Variants in PTPRN2 observed in about 807,000 individuals in gnomAD.
The protein encoded by PTPRN2 is protein tyrosine phosphatase receptor type N2, also known as receptor-type tyrosine-protein phosphatase N2.
Under a neutral mutation model 118.8 loss-of-function variants are expected in PTPRN2, and 74 were observed. That is an observed-to-expected ratio of 0.62 (90% CI 0.52 to 0.76). The LOEUF (loss-of-function observed/expected upper bound fraction) is 0.76. Among genes scored for constraint, PTPRN2 ranks in the 30% least tolerant of loss-of-function variants. The pLI, the probability that PTPRN2 is intolerant of heterozygous loss-of-function variation, is 0.00. For synonymous variants in PTPRN2, 641 were observed against 608.0 expected (o/e 1.05, Z -0.80); for missense variants, 1,481 against 1,394.4 (o/e 1.06, Z -0.99).
intron 2 of PTPRN2, among the ~76,000 whole-genome samples, chr7:158,337,696 C>G (rs201979102): frequency 6.4e-3 from 781 of 122,756 alleles, no homozygotes; most frequent in South Asian, 0.01. Context: ...CACACCCACA[C>G]TCTCACCATA....
intron 12 of PTPRN2, among the ~76,000 whole-genome samples, chr7:157,707,742 G>A (rs1798406339): frequency 1.3e-5 from 2 of 152,078 alleles, no homozygotes; most frequent in African/African-American, 4.8e-5. Context: ...TGGGATTACA[G>A]GCACGCACCA....
intron 12 of PTPRN2, among the ~76,000 whole-genome samples, chr7:157,759,966 C>T (rs533188960): frequency 5.9e-5 from 9 of 152,220 alleles, no homozygotes; most frequent in South Asian, 2.1e-4. Context: ...AGGAAGAGAC[C>T]GGGCGGGCAA....
chr7:157,574,029 T>G (rs1310950039), intron 19 of PTPRN2, among the ~76,000 whole-genome samples: 1 of 152,186 alleles, frequency 6.6e-6, no homozygotes, highest in Non-Finnish European at 1.5e-5. Context: ...CACGACATAT[T>G]GAACACAAGA....
intron 1 of PTPRN2, among the ~76,000 whole-genome samples, chr7:158,522,212 G>C (rs370170430): frequency 1.2e-4 from 9 of 76,130 alleles, no homozygotes; most frequent in South Asian, 6.3e-4. Flanking sequence ...CACAATGGTG[G>C]ACTGTCCAGG....
Position 158,170,737 on chromosome 7 carries a change from T to C in PTPRN2, c.550-3446A>G, listed in dbSNP as rs116286887. ...GAACATGGGCAGTAAAGAAAAGTATTCTCACGCTGACTGGCTCTTTCACGG... is the reference window on the plus strand; with the variant it reads ...GAACATGGGCAGTAAAGAAAAGTATCCTCACGCTGACTGGCTCTTTCACGG... On this transcript the variant is annotated intron_variant, in intron 5 of 22. Transcript: ENST00000389418. 7.6e-3 allele frequency among the ~76,000 whole-genome samples: 1,157 copies of C among 152,234 alleles called. 10 individuals are homozygous for C. The highest frequency in any genetic ancestry group is 0.026 in the African/African-American group (1,088 of 41,532).
At chr7:157,805,059 C>A (rs541970009) in intron 12 of PTPRN2, among the ~76,000 whole-genome samples, 1 of 152,270 alleles carries the variant, frequency 6.6e-6, no homozygotes, top group African/African-American at 2.4e-5. Context: ...CTCTCTCTGC[C>A]TGGAAATACC....
At chr7:157,549,290 C>T (rs189144699) in intron 21 of PTPRN2, among the ~76,000 whole-genome samples, 1 of 151,186 alleles carries the variant, frequency 6.6e-6, no homozygotes, top group African/African-American at 2.4e-5. Flanking sequence ...CGTCAGAAAC[C>T]AAAGCTGTAC....
chr7:157,931,868 G>T (rs1234684236), intron 11 of PTPRN2, among the ~76,000 whole-genome samples: 1 of 152,138 alleles, frequency 6.6e-6, no homozygotes, highest in African/African-American at 2.4e-5. Context: ...TTCTACCACC[G>T]CCAGGAGAAA....
intron 2 of PTPRN2, among the ~76,000 whole-genome samples, chr7:158,481,066 T>C (rs1357564955): frequency 6.6e-6 from 1 of 152,234 alleles, no homozygotes; most frequent in East Asian, 1.9e-4. Flanking sequence ...CTTCCATAGC[T>C]AGAGAGAAGA....
At chr7:158,476,895 C>T (rs1820309953) in intron 2 of PTPRN2, among the ~76,000 whole-genome samples, 1 of 152,226 alleles carries the variant, frequency 6.6e-6, no homozygotes, top group Non-Finnish European at 1.5e-5. Flanking sequence ...GGGTCACATG[C>T]ATACATCTGA....
At chr7:158,269,463 G>C (rs951232727) in intron 3 of PTPRN2, among the ~76,000 whole-genome samples, 1 of 152,232 alleles carries the variant, frequency 6.6e-6, no homozygotes, top group Admixed American at 6.5e-5. Context: ...GCCCAGGCTG[G>C]CTGTCTTTGC....
In PTPRN2 at chr7:158,093,773, G is replaced by A. The variant is rs1426310416; in HGVS notation, c.1644-12396C>T. Among the ~76,000 whole-genome samples, 1 of 152,104 alleles carries A rather than the reference G, an allele frequency of 6.6e-6. No individual in the cohort carries two copies. The highest frequency in any genetic ancestry group is 1.5e-5 in the Non-Finnish European group (1 of 68,028). Reference sequence around the variant, plus strand: ...GTGTATTCCTGCCTCTCGTACATGAGGCAATAACTTCCCAAAATATCTAGC... The same window carrying A: ...GTGTATTCCTGCCTCTCGTACATGAAGCAATAACTTCCCAAAATATCTAGC... On this transcript the variant is annotated intron_variant, in intron 10 of 22. Transcript: ENST00000389418. This position sits in a 1 kb window ranked among gnomAD's most constrained non-coding sequence, Gnocchi z 4.4.
At chr7:158,083,617 C>A (rs550410366) in intron 10 of PTPRN2, among the ~76,000 whole-genome samples, 1 of 152,210 alleles carries the variant, frequency 6.6e-6, no homozygotes, top group Admixed American at 6.5e-5. Flanking sequence ...ACGTGGGGGC[C>A]GCAGGAGAGG....
chr7:158,473,168 G>A (rs894268505), intron 2 of PTPRN2, among the ~76,000 whole-genome samples: 10 of 152,162 alleles, frequency 6.6e-5, no homozygotes, highest in Non-Finnish European at 1.0e-4. Flanking sequence ...CTGAACCTCA[G>A]CAGCTTCACG....
chr7:158,527,057 G>T (rs897845181), intron 1 of PTPRN2, among the ~76,000 whole-genome samples: 1 of 152,202 alleles, frequency 6.6e-6, no homozygotes, highest in African/African-American at 2.4e-5. Context: ...GCCCCAAGCA[G>T]AGTCGAGACG....
intron 11 of PTPRN2, among the ~76,000 whole-genome samples, chr7:158,007,578 C>T (rs959638562): frequency 6.6e-6 from 1 of 152,148 alleles, no homozygotes; most frequent in African/African-American, 2.4e-5. Flanking sequence ...AGATGTGGCC[C>T]TGCTGTGGAG....
At chr7:158,124,450 G>A (rs931682610) in intron 9 of PTPRN2, among the ~76,000 whole-genome samples, 5 of 152,374 alleles carry the variant, frequency 3.3e-5, no homozygotes, top group Admixed American at 3.3e-4. Context: ...TCTCCAATGG[G>A]CAGAACTATA....
chr7:158,582,796 CAAAAAAAAA>C (rs1156687117), intron 1 of PTPRN2, among the ~76,000 whole-genome samples: 2 of 44,314 alleles, frequency 4.5e-5, no homozygotes, highest in East Asian at 1.1e-3. Context: ...GACTCCATCT[CAAAAAAAAA>C]AAAAAAAAAA....
intron 3 of PTPRN2, among the ~76,000 whole-genome samples, chr7:158,232,989 T>C (rs1000906374): frequency 2.0e-5 from 3 of 152,192 alleles, no homozygotes; most frequent in Non-Finnish European, 2.9e-5. Context: ...GGGGAAACAC[T>C]GAAAGCCTTT....
Sources: allele counts gnomAD v4.1 joint callset (sites outside exome capture counted in the v4.1 genomes callset), GRCh38; gene constraint gnomAD v4.1.1; non-coding constraint Gnocchi (gnomAD v3.1); transcripts MANE v1.5; gene names NCBI Gene and HGNC (gene_info 2026-07-23, HGNC 2026-07-21).